Variants in CNNM1 observed in about 807,000 individuals in gnomAD.
CNNM1 encodes the protein cyclin and CBS domain divalent metal cation transport mediator 1.
CNNM1 carries 44 observed loss-of-function variants against 78.8 expected under a neutral mutation model. The observed-to-expected ratio is 0.56, with a 90% CI of 0.44 to 0.72. The LOEUF (loss-of-function observed/expected upper bound fraction) is 0.72, where lower values mean the gene tolerates loss of function less well. CNNM1 is among the 30% of genes least tolerant of loss of function. CNNM1 has a pLI of 0.00. For synonymous variants in CNNM1, 584 were observed against 581.5 expected (o/e 1.00, Z -0.06); for missense variants, 1,101 against 1,292.2 (o/e 0.85, Z 2.27).
rs1490890103 is a variant in CNNM1 at position 99,329,399 on chromosome 10, C to CGCG, written c.21_23dup (p.Ala10dup). Reference sequence around the variant, plus strand: ...GCGCTGGGTGCAGGATGGCGGCGGCCGCGGCGGCGGCAGCAGCGGTGGGTG... The same window carrying CGCG: ...GCGCTGGGTGCAGGATGGCGGCGGCCGCGGCGGCGGCGGCAGCAGCGGTGGGTG... On this transcript the variant is annotated inframe_insertion, in exon 1 of 11. Transcript: ENST00000356713. The CGCG allele has an allele frequency of 2.5e-6, 2 of 798,390 alleles. No individual in the cohort carries two copies. The highest frequency in any genetic ancestry group is 3.5e-5 in the Admixed American group (1 of 28,826). The allele number at this position is 798,390 out of a possible 1,614,324, so 49.5% of individuals were successfully genotyped here. A position where few individuals can be genotyped will look rare whatever the true frequency, so the allele number is the denominator to read the frequency against.
intron 1 of CNNM1, among the ~76,000 whole-genome samples, chr10:99,338,649 T>C (rs1487289731): frequency 6.6e-6 from 1 of 152,156 alleles, no homozygotes; most frequent in Non-Finnish European, 1.5e-5. Flanking sequence ...AATTTAAATA[T>C]AGAATAGTAG....
chr10:99,357,418 A>T (rs373393966), intron 1 of CNNM1, 94 bp from the exon 2 acceptor site: 4 of 1,313,664 alleles, frequency 3.0e-6, no homozygotes, highest in Non-Finnish European at 3.1e-6. Flanking sequence ...CAATCCTGAG[A>T]TTGGTCAGAC....
At chr10:99,331,062 T>C in intron 1 of CNNM1, 102 bp downstream of exon 1, 1 of 1,196,968 alleles carries the variant, frequency 8.4e-7, no homozygotes, top group Non-Finnish European at 1.2e-6. Flanking sequence ...ATTTCTCTCC[T>C]ATGGTACTAA....
intron 10 of CNNM1, 93 bp downstream of exon 10, chr10:99,390,500 T>C: frequency 1.2e-6 from 1 of 853,862 alleles, no homozygotes; most frequent in Non-Finnish European, 1.9e-6. Flanking sequence ...GGAGGAGCCA[T>C]GGACTCCTCT....
chr10:99,331,302 A>G (rs1195041138), intron 1 of CNNM1, among the ~76,000 whole-genome samples: 3 of 152,194 alleles, frequency 2.0e-5, no homozygotes, highest in Admixed American at 6.5e-5. Context: ...CTCCCCACCT[A>G]TTACAGGAGA....
At chr10:99,333,546 T>A (rs1024484152) in intron 1 of CNNM1, among the ~76,000 whole-genome samples, 1 of 152,178 alleles carries the variant, frequency 6.6e-6, no homozygotes, top group African/African-American at 2.4e-5. Context: ...GGTTTCACCA[T>A]GTTGGCCAAG....
At chr10:99,376,841 G>GAAT (rs1311791130) in intron 6 of CNNM1, among the ~76,000 whole-genome samples, 1 of 152,060 alleles carries the variant, frequency 6.6e-6, no homozygotes, top group Non-Finnish European at 1.5e-5. Flanking sequence ...TTCCTCTTAG[G>GAAT]AATAAACATC....
intron 6 of CNNM1, chr10:99,368,295 A>G: frequency 3.9e-6 from 1 of 255,066 alleles, no homozygotes; most frequent in South Asian, 4.5e-5. Flanking sequence ...TGCTGGCTCA[A>G]AATGGGAGCC....
chr10:99,387,818 A>G lies in CNNM1; in HGVS notation c.2341-2A>G. Reference sequence around the variant, plus strand: ...CCTAAGCTCCTGCCCTCTTCCTTCCAGATCACACGGCAGCAATATCAGAAC... The same window carrying G: ...CCTAAGCTCCTGCCCTCTTCCTTCCGGATCACACGGCAGCAATATCAGAAC... On this transcript the variant is annotated splice_acceptor_variant, in intron 7 of 10. Coordinates refer to ENST00000356713, the MANE Select transcript of CNNM1 (RefSeq NM_020348.3). LOFTEE classifies it high-confidence loss of function. 6.3e-7 allele frequency: 1 copy of G among 1,591,382 alleles called. No homozygotes were observed. Among genetic ancestry groups the G allele is most frequent in the Non-Finnish European group, 8.6e-7 (1 of 1,168,858 alleles).
chr10:99,368,435 T>C (rs1181613990), intron 6 of CNNM1: 1 of 344,248 alleles, frequency 2.9e-6, no homozygotes, highest in Non-Finnish European at 5.8e-6. Context: ...CTTTCTGGAG[T>C]GTGACTTTGT....
intron 6 of CNNM1, among the ~76,000 whole-genome samples, chr10:99,371,193 C>T (rs2031790865): frequency 6.6e-6 from 1 of 152,158 alleles, no homozygotes; most frequent in African/African-American, 2.4e-5. Flanking sequence ...GGTCTCTGCA[C>T]CAAATATTGC....
intron 7 of CNNM1, among the ~76,000 whole-genome samples, chr10:99,383,524 G>A (rs572788503): frequency 1.3e-5 from 2 of 152,042 alleles, no homozygotes; most frequent in African/African-American, 2.4e-5. Flanking sequence ...CGCCCGCCTC[G>A]GCCTCCCAAA....
intron 1 of CNNM1, among the ~76,000 whole-genome samples, chr10:99,354,553 T>A (rs2031064078): frequency 6.6e-6 from 1 of 152,172 alleles, no homozygotes; most frequent in South Asian, 2.1e-4. Context: ...GAGGAGGAAA[T>A]GCTGTCTAGT....
chr10:99,355,879 C>T (rs577227833), intron 1 of CNNM1, among the ~76,000 whole-genome samples: 125 of 152,182 alleles, frequency 8.2e-4, no homozygotes, highest in Admixed American at 1.1e-3. Flanking sequence ...TCAGTCATCG[C>T]GCAATAAAAA....
intron 7 of CNNM1, among the ~76,000 whole-genome samples, chr10:99,382,588 C>T (rs565455972): frequency 1.3e-5 from 2 of 152,068 alleles, no homozygotes; most frequent in African/African-American, 4.8e-5. Context: ...CAAAGTGAGA[C>T]CCCCATCTCT....
At chr10:99,378,314 A>G (rs1297404549) in intron 7 of CNNM1, among the ~76,000 whole-genome samples, 2 of 152,202 alleles carry the variant, frequency 1.3e-5, no homozygotes, top group Non-Finnish European at 2.9e-5. Context: ...CCTGAGATCT[A>G]GCTAGAGCCC....
intron 1 of CNNM1, among the ~76,000 whole-genome samples, chr10:99,356,551 AGACAGAC>A (rs1564947048): frequency 1.7e-4 from 16 of 91,726 alleles, no homozygotes; most frequent in African/African-American, 6.4e-4. Flanking sequence ...ACAGACAGAC[AGACAGAC>A]AGACAGAAAG....
At chr10:99,366,398 A>G (rs2031619544) in intron 6 of CNNM1, among the ~76,000 whole-genome samples, 1 of 152,080 alleles carries the variant, frequency 6.6e-6, no homozygotes. Context: ...CCAGAAGACT[A>G]AAAGAGGTGG....
intron 6 of CNNM1, among the ~76,000 whole-genome samples, chr10:99,373,414 G>A (rs1292019686): frequency 6.6e-6 from 1 of 152,172 alleles, no homozygotes; most frequent in Non-Finnish European, 1.5e-5. Flanking sequence ...ATGCTGCACT[G>A]GGGCCAAAGA....
Sources: gnomAD v4.1 joint callset for allele counts (sites outside exome capture counted in the v4.1 genomes callset) on GRCh38, gnomAD v4.1.1 for gene constraint, MANE v1.5 for transcripts, NCBI Gene and HGNC (gene_info 2026-07-23, HGNC 2026-07-21) for gene names.